AKAP7: variants seen among roughly 807,000 people sequenced by gnomAD.
AKAP7 encodes the protein A kinase (PRKA) anchor protein 7.
A neutral mutation model predicts 39.5 loss-of-function variants in AKAP7; 39 were observed. That is an observed-to-expected ratio of 0.99 (90% CI 0.76 to 1.29). The LOEUF (loss-of-function observed/expected upper bound fraction) is 1.29, where lower values mean the gene tolerates loss of function less well. AKAP7 is among the 50% of genes most tolerant of loss of function. The pLI, the probability that AKAP7 is intolerant of heterozygous loss-of-function variation, is 0.00. For synonymous variants in AKAP7, 140 were observed against 139.1 expected (o/e 1.01, Z -0.05); for missense variants, 414 against 407.7 (o/e 1.02, Z -0.13).
intron 7 of AKAP7, among the ~76,000 whole-genome samples, chr6:131,245,243 C>CTT (rs1240021057): frequency 3.0e-5 from 4 of 135,226 alleles, no homozygotes; most frequent in African/African-American, 5.4e-5. Flanking sequence ...GAGTTGAATT[C>CTT]TTTTTTTTTT....
At chr6:131,271,459 A>G (rs575333320) in intron 7 of AKAP7, among the ~76,000 whole-genome samples, 3 of 152,234 alleles carry the variant, frequency 2.0e-5, no homozygotes, top group African/African-American at 2.4e-5. Context: ...TGTAGCTTCA[A>G]AGTAAGTCTT....
At chr6:131,190,785 C>A (rs180953046) in intron 5 of AKAP7, among the ~76,000 whole-genome samples, 7 of 152,204 alleles carry the variant, frequency 4.6e-5, no homozygotes, top group South Asian at 2.1e-4. Flanking sequence ...TTTCTGTTAA[C>A]AGAAGTCCAT....
At chr6:131,197,867 A>T (rs1218573082) in intron 5 of AKAP7, among the ~76,000 whole-genome samples, 1 of 152,212 alleles carries the variant, frequency 6.6e-6, no homozygotes, top group Non-Finnish European at 1.5e-5. Context: ...CAACGCTAGT[A>T]TGGAGGCTGT....
Position 131,275,106 on chromosome 6 carries a change from G to A in AKAP7, c.851-6424G>A, listed in dbSNP as rs776343089. 5.3e-5 allele frequency among the ~76,000 whole-genome samples: 8 copies of A among 152,292 alleles called. No individual in the cohort carries two copies. In the East Asian group the frequency reaches 5.8e-4, roughly 11 times the overall value. ...ATTTTTACATACTTAGTAGTGGTACGTAATAGGTGCTTACTAAAGTGTTGA... is the reference window on the plus strand; with the variant it reads ...ATTTTTACATACTTAGTAGTGGTACATAATAGGTGCTTACTAAAGTGTTGA... On this transcript the variant is annotated intron_variant, in intron 7 of 7. Coordinates refer to ENST00000431975, the MANE Select transcript of AKAP7 (RefSeq NM_016377.4).
rs1401897964 is a variant in AKAP7, at chr6:131,159,293, C to T, written c.152-766C>T. On this transcript the variant is annotated intron_variant, in intron 2 of 7. Coordinates refer to ENST00000431975, the MANE Select transcript of AKAP7 (RefSeq NM_016377.4). The stretch of plus-strand genomic sequence containing the variant: ...TATTTTTAGTAGAGACGAGGTTTCA[C>T]CGTGTTAGCCAGGATGGTCTTGATC... Among the ~76,000 whole-genome samples the T allele has an allele frequency of 6.6e-5, 10 of 151,888 alleles. No individual in the cohort carries two copies. The South Asian group carries it at 1.5e-3, about 22-fold the overall frequency.
chr6:131,150,333 T>C (rs545629865), intron 2 of AKAP7, among the ~76,000 whole-genome samples: 3 of 152,226 alleles, frequency 2.0e-5, no homozygotes, highest in Non-Finnish European at 4.4e-5. Flanking sequence ...ATTTAAAAAA[T>C]ACTTAGATTT....
chr6:131,146,526 C>T (rs571671717), intron 2 of AKAP7, among the ~76,000 whole-genome samples: 45 of 152,044 alleles, frequency 3.0e-4, no homozygotes, highest in Non-Finnish European at 5.9e-4. Flanking sequence ...TTGGGTTTAC[C>T]TTCACTGAAA....
intron 3 of AKAP7, among the ~76,000 whole-genome samples, chr6:131,160,650 A>C (rs555515396): frequency 1.4e-4 from 22 of 152,358 alleles, no homozygotes; most frequent in African/African-American, 5.3e-4. Flanking sequence ...GACCAGTTGA[A>C]AAAAGAGGAT....
intron 6 of AKAP7, among the ~76,000 whole-genome samples, chr6:131,210,902 A>G (rs1371513348): frequency 6.6e-6 from 1 of 152,156 alleles, no homozygotes; most frequent in Non-Finnish European, 1.5e-5. Flanking sequence ...TACCCTGACA[A>G]TCAGAAAATG....
Position 131,268,424 on chromosome 6 carries a change from A to G in AKAP7, c.851-13106A>G, listed in dbSNP as rs970808055. ...GTTTCTGTGATAACCAAATGCAATAATGTTTCCGAAAACACTTTGGAAAGT... is the reference window on the plus strand; with the variant it reads ...GTTTCTGTGATAACCAAATGCAATAGTGTTTCCGAAAACACTTTGGAAAGT... On this transcript the variant is annotated intron_variant, in intron 7 of 7. Transcript: ENST00000431975. Among the ~76,000 whole-genome samples the G allele has an allele frequency of 4.6e-5, 7 of 152,312 alleles. 1 individual carries two copies. In the East Asian group the frequency reaches 1.3e-3, roughly 29 times the overall value.
intron 5 of AKAP7, among the ~76,000 whole-genome samples, chr6:131,182,792 T>C (rs189168405): frequency 6.6e-6 from 1 of 152,148 alleles, no homozygotes; most frequent in South Asian, 2.1e-4. Flanking sequence ...ACACTTGTTA[T>C]TTTCTATTTT....
Position 131,220,473 on chromosome 6 carries a change from A to T in AKAP7, c.850+665A>T, listed in dbSNP as rs114757039. ...AGCAGCCAGCTCTGTTGTGATTCAG[A>T]TTTATTATTTCAAACCAGACACTAT... On this transcript the variant is annotated intron_variant, in intron 7 of 7. Transcript: ENST00000431975. Among the ~76,000 whole-genome samples, 1,119 of 152,278 alleles carry T rather than the reference A, an allele frequency of 7.3e-3. 11 individuals are homozygous for T. Among genetic ancestry groups the T allele is most frequent in the African/African-American group, 0.026 (1,077 of 41,540 alleles).
intron 6 of AKAP7, among the ~76,000 whole-genome samples, chr6:131,211,793 A>AT (rs1455688949): frequency 6.6e-6 from 1 of 150,668 alleles, no homozygotes; most frequent in Non-Finnish European, 1.5e-5. Flanking sequence ...AAAAAAAAAA[A>AT]GAAAGAAAAT....
In AKAP7 at chr6:131,199,562, C is replaced by T. The variant is rs1807314206; in HGVS notation, c.691C>T (p.Leu231Phe). The T allele has an allele frequency of 6.2e-7, 1 of 1,603,394 alleles. No homozygotes were observed. Among genetic ancestry groups the T allele is most frequent in the East Asian group, 2.2e-5 (1 of 44,810 alleles). The change falls in exon 6 of 8, where the codon CTC becomes TTC. Residue 231 changes from leucine (L) to phenylalanine (F), a missense_variant. By Grantham distance (22) the Leu-to-Phe change is conservative (BLOSUM62 0). Coordinates refer to ENST00000431975, the MANE Select transcript of AKAP7 (RefSeq NM_016377.4). ...TFMKLSKSPWLRKNGVKKIDP... is the reference protein window; with the variant it reads ...TFMKLSKSPWFRKNGVKKIDP... ...CATGAAGTTGTCAAAATCACCGTGG[C>T]TCCGTAAGAATGTGAGTGCATGTTC...
At chr6:131,152,873 A>G (rs959280499) in intron 2 of AKAP7, among the ~76,000 whole-genome samples, 1 of 151,142 alleles carries the variant, frequency 6.6e-6, no homozygotes, top group South Asian at 2.1e-4. Context: ...TCACGCCGGT[A>G]ATCCCAGCAC....
intron 5 of AKAP7, among the ~76,000 whole-genome samples, chr6:131,176,551 C>CT (rs201497386): frequency 8.0e-5 from 12 of 149,230 alleles, no homozygotes; most frequent in South Asian, 2.1e-4. Context: ...TCTTGCAAAA[C>CT]TTTTTTTTTT....
chr6:131,241,639 G>GTATATAT (rs1811631781), intron 7 of AKAP7, among the ~76,000 whole-genome samples: 1 of 90,776 alleles, frequency 1.1e-5, no homozygotes, highest in Non-Finnish European at 2.3e-5. Flanking sequence ...ATATATATAT[G>GTATATAT]ACAGTTATAG....
At chr6:131,269,763 T>A (rs1487404253) in intron 7 of AKAP7, among the ~76,000 whole-genome samples, 1 of 152,224 alleles carries the variant, frequency 6.6e-6, no homozygotes, top group African/African-American at 2.4e-5. Flanking sequence ...AACAATTTAT[T>A]TGAGTCATAT....
chr6:131,271,451 T>G (rs912865685), intron 7 of AKAP7, among the ~76,000 whole-genome samples: 4 of 152,174 alleles, frequency 2.6e-5, no homozygotes, highest in Non-Finnish European at 4.4e-5. Flanking sequence ...TCTCTTTCTG[T>G]AGCTTCAAAG....
Sources: allele counts gnomAD v4.1 joint callset (sites outside exome capture counted in the v4.1 genomes callset), GRCh38; gene constraint gnomAD v4.1.1; transcripts MANE v1.5; gene names NCBI Gene and HGNC (gene_info 2026-07-23, HGNC 2026-07-21).